Variants in JPH2 observed in about 807,000 individuals in gnomAD.
JPH2 encodes junctophilin 2.
A neutral mutation model predicts 55.9 loss-of-function variants in JPH2; 38 were observed. That is an observed-to-expected ratio of 0.68 (90% CI 0.52 to 0.89). JPH2 has a LOEUF of 0.89. Among genes scored for constraint, JPH2 ranks in the 40% least tolerant of loss-of-function variants. JPH2 has a pLI of 0.00. For synonymous variants in JPH2, 480 were observed against 472.4 expected (o/e 1.02, Z -0.21); for missense variants, 964 against 1,037.6 (o/e 0.93, Z 0.97).
intron 1 of JPH2, among the ~76,000 whole-genome samples, chr20:44,182,253 A>G (rs1484707507): frequency 6.6e-6 from 1 of 152,154 alleles, no homozygotes; most frequent in Non-Finnish European, 1.5e-5. Context: ...GCAGATCCTT[A>G]ACAAACCCTC....
chr20:44,160,202 G>T lies in JPH2; in HGVS notation c.585C>A (p.Ile195=). 1.4e-6 allele frequency: 2 copies of T among 1,407,384 alleles called. No homozygotes were observed. Among genetic ancestry groups the T allele is most frequent in the South Asian group, 3.1e-5 (2 of 65,332 alleles). The allele number at this position is 1,407,384 out of a possible 1,614,324, so 87.2% of individuals were successfully genotyped here. A position where few individuals can be genotyped will look rare whatever the true frequency, so the allele number is the denominator to read the frequency against. Residue 195 remains isoleucine (I), a synonymous_variant, in exon 2 of 6, where the codon ATC becomes ATA. Coordinates refer to ENST00000372980, the MANE Select transcript of JPH2 (RefSeq NM_020433.5). This position sits in a 1 kb window ranked among gnomAD's most constrained non-coding sequence, Gnocchi z 4.9. ...GGCTGAGCGCGAAGCCGCCACGCGG[G>T]ATGGCGGGCGAGGGCAGCGCGGGGC... The part of the protein sequence containing the change: ...SDGPALPSPA[I]PRGGFALSLL...
chr20:44,187,051 C>T lies in JPH2; in HGVS notation c.-346G>A, dbSNP rs58248130. 1.3e-3 allele frequency: 406 copies of T among 307,390 alleles called. 5 individuals are homozygous for T. In the East Asian group the frequency reaches 0.026, roughly 20 times the overall value. 19.0% of individuals were successfully genotyped at this position (307,390 alleles called of 1,614,324 possible). On this transcript the variant is annotated 5_prime_UTR_variant, in exon 1 of 6. Coordinates refer to ENST00000372980, the MANE Select transcript of JPH2 (RefSeq NM_020433.5). ...AAACGGTGTGATCTCTTTAAGAAGCCCAGTGAAAGGGTGGGGTGGAGGGGT... is the reference window on the plus strand; with the variant it reads ...AAACGGTGTGATCTCTTTAAGAAGCTCAGTGAAAGGGTGGGGTGGAGGGGT...
At chr20:44,134,063 A>AT (rs1491484386) in intron 2 of JPH2, among the ~76,000 whole-genome samples, 2,407 of 26,040 alleles carry the variant, frequency 0.092, 961 homozygotes, top group African/African-American at 0.19. Flanking sequence ...TATTTATTAT[A>AT]AATATATAAA....
chr20:44,164,965 G>A (rs950536577), intron 1 of JPH2, among the ~76,000 whole-genome samples: 2 of 151,858 alleles, frequency 1.3e-5, no homozygotes, highest in Non-Finnish European at 2.9e-5. Context: ...AGCCTTCTGA[G>A]TAGCTGGGAT....
At chr20:44,157,830 C>A (rs742588) in intron 2 of JPH2, among the ~76,000 whole-genome samples, 89 of 151,186 alleles carry the variant, frequency 5.9e-4, no homozygotes, top group African/African-American at 2.0e-3. Flanking sequence ...TCCTGCCAGG[C>A]CATTTACATC....
chr20:44,172,539 C>T (rs1273541538), intron 1 of JPH2, among the ~76,000 whole-genome samples: 1 of 152,202 alleles, frequency 6.6e-6, no homozygotes, highest in African/African-American at 2.4e-5. Context: ...GTAATCCAAG[C>T]TGGAGTGCAG....
intron 1 of JPH2, 120 bp downstream of exon 1, chr20:44,186,207 A>G: frequency 8.5e-7 from 1 of 1,174,338 alleles, no homozygotes. Context: ...ACCACACAGC[A>G]AATCACTTCC....
intron 2 of JPH2, among the ~76,000 whole-genome samples, chr20:44,137,266 C>T (rs1258967082): frequency 3.3e-5 from 5 of 151,622 alleles, no homozygotes; most frequent in Non-Finnish European, 7.4e-5. Context: ...ACCCGGGAGC[C>T]GGCCTGCAAA....
rs2072114508 is a variant in JPH2, at chr20:44,107,329, ACTGTCTTGT to A, written c.*6180_*6188del. Among the ~76,000 whole-genome samples, 1 of 151,968 alleles carries A rather than the reference ACTGTCTTGT, an allele frequency of 6.6e-6. No homozygotes were observed. The highest frequency in any genetic ancestry group is 1.9e-4 in the East Asian group (1 of 5,196). On this transcript the variant is annotated 3_prime_UTR_variant, in exon 6 of 6. Coordinates refer to ENST00000372980, the MANE Select transcript of JPH2 (RefSeq NM_020433.5). Reference sequence around the variant, plus strand: ...CAATGGGGATGGTACTACAGGCTGTACTGTCTTGTCTGTTTACCAAAACCCACATCCTTC... The same window carrying A: ...CAATGGGGATGGTACTACAGGCTGTACTGTTTACCAAAACCCACATCCTTC...
At chr20:44,129,552 CAA>C (rs1208567536) in intron 2 of JPH2, among the ~76,000 whole-genome samples, 1,015 of 45,234 alleles carry the variant, frequency 0.022, 20 homozygotes, top group African/African-American at 0.074. Flanking sequence ...CAGGCTGTCT[CAA>C]AAAAAAAAAA....
intron 2 of JPH2, among the ~76,000 whole-genome samples, chr20:44,139,251 G>A (rs920899682): frequency 1.3e-5 from 2 of 152,208 alleles, no homozygotes; most frequent in African/African-American, 4.8e-5. Flanking sequence ...AGTGGCAGAG[G>A]CCTTCCCACC....
At position 44,160,449 on chromosome 20, in the gene JPH2, G is replaced by A. The variant is rs1367620323; in HGVS notation, c.380-42C>T. 3 of 1,590,432 alleles carry A rather than the reference G, an allele frequency of 1.9e-6. No individual in the cohort carries two copies. The highest frequency in any genetic ancestry group is 2.6e-6 in the Non-Finnish European group (3 of 1,169,454). On this transcript the variant is annotated intron_variant, in intron 1 of 5. Coordinates refer to ENST00000372980, the MANE Select transcript of JPH2 (RefSeq NM_020433.5). This position sits in a 1 kb window ranked among gnomAD's most constrained non-coding sequence, Gnocchi z 4.9. ...GGCGCGTCAGTAGGCGGCACGACGG[G>A]TCCCCGCGTGTGCACGGTGGCCTGG...
At chr20:44,169,488 C>T (rs1281072094) in intron 1 of JPH2, among the ~76,000 whole-genome samples, 5 of 152,078 alleles carry the variant, frequency 3.3e-5, no homozygotes, top group Non-Finnish European at 5.9e-5. Flanking sequence ...CTCAGGTATT[C>T]TTTTACAGCA....
rs868509435 is a variant in JPH2, at chr20:44,111,117, G to A, written c.*2401C>T. On this transcript the variant is annotated 3_prime_UTR_variant, in exon 6 of 6. Coordinates refer to ENST00000372980, the MANE Select transcript of JPH2 (RefSeq NM_020433.5). ...AAGTCCCTCTGCTCTAAGCCTCTGT[G>A]GAATGTGGCGATCCCCTCAGGCTCC... Among the ~76,000 whole-genome samples, 10 of 152,216 alleles carry A rather than the reference G, an allele frequency of 6.6e-5. No individual in the cohort carries two copies. The highest frequency in any genetic ancestry group is 1.0e-4 in the Non-Finnish European group (7 of 68,046).
chr20:44,147,030 C>T (rs1470212177), intron 2 of JPH2, among the ~76,000 whole-genome samples: 3 of 151,954 alleles, frequency 2.0e-5, no homozygotes, highest in Admixed American at 1.3e-4. Flanking sequence ...TGAACATATA[C>T]TGGAGAGGTG....
intron 1 of JPH2, chr20:44,177,286 T>C: frequency 2.0e-6 from 2 of 985,838 alleles, no homozygotes; most frequent in African/African-American, 1.7e-5. Flanking sequence ...ACCAGGGCCC[T>C]CAGAAAATGA....
chr20:44,118,029 T>C (rs1330777650), intron 3 of JPH2, among the ~76,000 whole-genome samples: 1 of 152,210 alleles, frequency 6.6e-6, no homozygotes, highest in East Asian at 1.9e-4. Context: ...TTTGAATGAA[T>C]GCAGAGTCTG....
At chr20:44,158,939 G>A (rs544760502) in intron 2 of JPH2, among the ~76,000 whole-genome samples, 22 of 152,260 alleles carry the variant, frequency 1.4e-4, no homozygotes, top group African/African-American at 4.8e-4. Flanking sequence ...GTGAGGGGAC[G>A]GGTGAGTGGT....
rs1393710373 is a variant in JPH2 at position 44,159,303 on chromosome 20, G to A, written c.1169+315C>T. Among the ~76,000 whole-genome samples the A allele has an allele frequency of 6.6e-6, 1 of 152,102 alleles. No homozygotes were observed. The highest frequency in any genetic ancestry group is 1.5e-5 in the Non-Finnish European group (1 of 68,022). On this transcript the variant is annotated intron_variant, in intron 2 of 5. Transcript: ENST00000372980. The surrounding 1 kb of genome is among the most constrained non-coding windows in gnomAD (Gnocchi z 5.7). ...GATAGATGGATGACTGGATGACTGGGTGGGTAAACAGGAAGTGGAATGGGT... is the reference window on the plus strand; with the variant it reads ...GATAGATGGATGACTGGATGACTGGATGGGTAAACAGGAAGTGGAATGGGT...
Sources: gnomAD v4.1 joint callset for allele counts (sites outside exome capture counted in the v4.1 genomes callset) on GRCh38, gnomAD v4.1.1 for gene constraint, Gnocchi (gnomAD v3.1) non-coding constraint, MANE v1.5 for transcripts, NCBI Gene and HGNC (gene_info 2026-07-23, HGNC 2026-07-21) for gene names.